SPAG16: variants seen among roughly 807,000 people sequenced by gnomAD.
The protein encoded by SPAG16 is sperm-associated antigen 16 protein.
Under a neutral mutation model 80.4 loss-of-function variants are expected in SPAG16, and 86 were observed. The observed-to-expected ratio is 1.07, with a 90% confidence interval of 0.90 to 1.28. The LOEUF (loss-of-function observed/expected upper bound fraction) is 1.28, where lower values mean the gene tolerates loss of function less well. Ranked by LOEUF, SPAG16 falls within the 50% of genes most tolerant of loss-of-function variation. The pLI is 0.00. For missense variants in SPAG16, 870 were observed against 765.3 expected, an observed-to-expected ratio of 1.14 and a Z score of -1.61; for synonymous variants, 294 against 265.9, an observed-to-expected ratio of 1.11 and a Z score of -1.03.
chr2:214,274,725 C>T (rs572415941), intron 15 of SPAG16, among the ~76,000 whole-genome samples: 5 of 152,192 alleles, frequency 3.3e-5, no homozygotes, highest in South Asian at 2.1e-4. Context: ...ATTTTTGCAT[C>T]GATGTTCATC....
chr2:214,060,278 G>A (rs2050188727), intron 13 of SPAG16, among the ~76,000 whole-genome samples: 1 of 152,158 alleles, frequency 6.6e-6, no homozygotes, highest in Admixed American at 6.6e-5. Context: ...AGAGTTGGGA[G>A]GAAGAAGGAG....
At chr2:213,672,411 T>C (rs1458206409) in intron 10 of SPAG16, among the ~76,000 whole-genome samples, 1 of 152,096 alleles carries the variant, frequency 6.6e-6, no homozygotes, top group African/African-American at 2.4e-5. Context: ...TCTCTTTCTT[T>C]CCAACATTGC....
intron 9 of SPAG16, among the ~76,000 whole-genome samples, chr2:213,393,450 T>C (rs1042892385): frequency 6.6e-6 from 1 of 151,952 alleles, no homozygotes; most frequent in Non-Finnish European, 1.5e-5. Flanking sequence ...ACTTGCTTTT[T>C]TGATTCGATT....
chr2:213,402,673 G>A (rs563451699), intron 9 of SPAG16, among the ~76,000 whole-genome samples: 2 of 151,602 alleles, frequency 1.3e-5, no homozygotes, highest in South Asian at 2.1e-4. Context: ...GAGAACATGC[G>A]GTGTTTGGTT....
intron 15 of SPAG16, among the ~76,000 whole-genome samples, chr2:214,379,044 G>A (rs1700296974): frequency 6.6e-6 from 1 of 152,192 alleles, no homozygotes; most frequent in Non-Finnish European, 1.5e-5. Context: ...CCTGCTGCAG[G>A]TCACTGAACT....
intron 10 of SPAG16, among the ~76,000 whole-genome samples, chr2:213,538,048 A>G (rs180936215): frequency 3.3e-5 from 5 of 152,340 alleles, no homozygotes; most frequent in South Asian, 2.1e-4. Context: ...GTTTTTGTCT[A>G]TAAGATTAGG....
At chr2:213,414,056 A>T (rs920548139) in intron 9 of SPAG16, among the ~76,000 whole-genome samples, 8 of 152,272 alleles carry the variant, frequency 5.3e-5, no homozygotes, top group Admixed American at 1.3e-4. Flanking sequence ...CATTTCATTT[A>T]TGTTTCTTCA....
chr2:213,288,471 A>AT (rs11459677), intron 1 of SPAG16, among the ~76,000 whole-genome samples: 40,656 of 142,954 alleles, frequency 0.28, 6,086 homozygotes, highest in Middle Eastern at 0.46. Context: ...CACCTGGCTA[A>AT]TTTTTTTTTT....
At chr2:213,919,403 C>T (rs2078109142) in intron 11 of SPAG16, among the ~76,000 whole-genome samples, 1 of 152,104 alleles carries the variant, frequency 6.6e-6, no homozygotes, top group African/African-American at 2.4e-5. Context: ...ATCTTTCTAA[C>T]TTTTTGATGT....
intron 15 of SPAG16, among the ~76,000 whole-genome samples, chr2:214,364,047 G>C (rs1699333376): frequency 6.6e-6 from 1 of 151,890 alleles, no homozygotes; most frequent in Non-Finnish European, 1.5e-5. Context: ...TTGACTAATG[G>C]GTTCACCATC....
intron 12 of SPAG16, among the ~76,000 whole-genome samples, chr2:213,992,413 A>G (rs191231469): frequency 1.6e-3 from 240 of 152,238 alleles, no homozygotes; most frequent in African/African-American, 5.7e-3. Context: ...CTCTTGGTGT[A>G]GTTGGGCCTG....
At chr2:213,825,990 G>T (rs985934291) in intron 10 of SPAG16, among the ~76,000 whole-genome samples, 1 of 151,782 alleles carries the variant, frequency 6.6e-6, no homozygotes, top group African/African-American at 2.4e-5. Flanking sequence ...TTGGTAGGTT[G>T]TATGTATCTA....
chr2:213,766,721 A>C (rs920754816), intron 10 of SPAG16, among the ~76,000 whole-genome samples: 2 of 152,202 alleles, frequency 1.3e-5, no homozygotes, highest in African/African-American at 4.8e-5. Flanking sequence ...AGTACAGGCT[A>C]CTGAGTCAGA....
At chr2:214,381,788 A>G (rs1700462584) in intron 15 of SPAG16, among the ~76,000 whole-genome samples, 1 of 152,238 alleles carries the variant, frequency 6.6e-6, no homozygotes. Flanking sequence ...GCAAAGCTAA[A>G]GAAAACAAAA....
At chr2:213,550,954 AAATATATCTAATAAATACTTTTTAT>A (rs2076761058) in intron 10 of SPAG16, among the ~76,000 whole-genome samples, 4 of 152,060 alleles carry the variant, frequency 2.6e-5, no homozygotes. Context: ...TTAGCATTTT[AAATATATCTAATAAATACTTTTTAT>A]GTATTACTAT....
At chr2:213,805,235 A>T (rs1269126607) in intron 10 of SPAG16, among the ~76,000 whole-genome samples, 1 of 152,158 alleles carries the variant, frequency 6.6e-6, no homozygotes, top group East Asian at 1.9e-4. Context: ...CCAGGTAAAC[A>T]CCAGCAGTTT....
At chr2:214,130,184 C>T (rs987598913) in intron 14 of SPAG16, among the ~76,000 whole-genome samples, 1 of 152,138 alleles carries the variant, frequency 6.6e-6, no homozygotes, top group Non-Finnish European at 1.5e-5. Context: ...AGCTTCCAAG[C>T]CCCAAACTGG....
At chr2:214,239,149 G>GCT (rs1689289637) in intron 15 of SPAG16, 1 of 152,108 alleles carries the variant, frequency 6.6e-6, no homozygotes, top group Admixed American at 6.6e-5. Context: ...TCCTCCTTTA[G>GCT]CCTCCAGAAT....
At chr2:213,860,462 G>T (rs373126950) in intron 10 of SPAG16, among the ~76,000 whole-genome samples, 4,223 of 128,650 alleles carry the variant, frequency 0.033, 103 homozygotes, top group South Asian at 0.064. Flanking sequence ...TATATATACA[G>T]ATATATCTAT....
Sources: gnomAD v4.1 joint callset for allele counts (sites outside exome capture counted in the v4.1 genomes callset) on GRCh38, gnomAD v4.1.1 for gene constraint, MANE v1.5 for transcripts, NCBI Gene and HGNC (gene_info 2026-07-23, HGNC 2026-07-21) for gene names.